The following COL21A1 variants were observed in gnomAD, a reference collection of about 807,000 sequenced individuals.
COL21A1 encodes the protein collagen alpha-1(XXI) chain.
In COL21A1, 149 loss-of-function variants were observed where a neutral mutation model predicts 137.9. The ratio of observed to expected loss-of-function variants is 1.08; its 90% confidence interval spans 0.95 to 1.24. The LOEUF (loss-of-function observed/expected upper bound fraction) is 1.24, where lower values mean the gene tolerates loss of function less well. Among genes scored for constraint, COL21A1 ranks in the 50% most tolerant of loss-of-function variants. The pLI is 0.00. For synonymous variants in COL21A1, 456 were observed against 391.5 expected, an observed-to-expected ratio of 1.16 and a Z score of -1.95; for missense variants, 1,167 against 1,158.4, an observed-to-expected ratio of 1.01 and a Z score of -0.11.
At chr6:56,340,535 C>A (rs574970939) in intron 1 of COL21A1, among the ~76,000 whole-genome samples, 15 of 152,200 alleles carry the variant, frequency 9.9e-5, no homozygotes, top group African/African-American at 3.1e-4. Flanking sequence ...AGAGGAGGAC[C>A]AGCTAGGTCT....
chr6:56,105,394 G>C (rs916487629), intron 16 of COL21A1, among the ~76,000 whole-genome samples: 1 of 152,028 alleles, frequency 6.6e-6, no homozygotes, highest in Non-Finnish European at 1.5e-5. Flanking sequence ...CTTTATTCAC[G>C]ATGTATTTTT....
At chr6:56,275,100 ACAAG>A (rs925417781) in intron 1 of COL21A1, among the ~76,000 whole-genome samples, 3 of 152,148 alleles carry the variant, frequency 2.0e-5, no homozygotes, top group Non-Finnish European at 2.9e-5. Context: ...CTGACAAAAA[ACAAG>A]CAATTAGGAA....
chr6:56,273,804 C>T (rs7757732), intron 1 of COL21A1, among the ~76,000 whole-genome samples: 60,190 of 151,974 alleles, frequency 0.4, 13,444 homozygotes, highest in African/African-American at 0.59. Flanking sequence ...AGAACTGGTA[C>T]CAATCATACT....
intron 7 of COL21A1, among the ~76,000 whole-genome samples, chr6:56,165,775 C>A (rs907957904): frequency 1.3e-5 from 2 of 152,090 alleles, no homozygotes; most frequent in Non-Finnish European, 2.9e-5. Flanking sequence ...AACATAACTA[C>A]ACACATTTTA....
intron 1 of COL21A1, among the ~76,000 whole-genome samples, chr6:56,362,223 T>C (rs1765990310): frequency 6.6e-6 from 1 of 152,160 alleles, no homozygotes; most frequent in Non-Finnish European, 1.5e-5. Context: ...ATGATCTCAT[T>C]TATTATATTT....
chr6:56,104,391 A>C (rs1048100086), intron 16 of COL21A1, among the ~76,000 whole-genome samples: 1 of 152,220 alleles, frequency 6.6e-6, no homozygotes, highest in African/African-American at 2.4e-5. Context: ...TTACCTAAGA[A>C]CACTCTCTTC....
intron 1 of COL21A1, among the ~76,000 whole-genome samples, chr6:56,222,363 T>C (rs552480484): frequency 1.5e-3 from 230 of 152,296 alleles, no homozygotes; most frequent in South Asian, 2.5e-3. Flanking sequence ...ATGTTGTCTA[T>C]GAGGATTTTT....
chr6:56,118,752 G>A (rs868185782), intron 16 of COL21A1, among the ~76,000 whole-genome samples: 9 of 151,854 alleles, frequency 5.9e-5, no homozygotes, highest in Admixed American at 2.0e-4. Context: ...GGGATTCATC[G>A]CTGGGATAAA....
intron 1 of COL21A1, among the ~76,000 whole-genome samples, chr6:56,282,827 A>G (rs1458200967): frequency 1.3e-5 from 2 of 152,232 alleles, no homozygotes; most frequent in Non-Finnish European, 2.9e-5. Flanking sequence ...TCCAGTATGT[A>G]AGATTCCCCA....
chr6:56,170,149 A>C (rs1301785441), intron 5 of COL21A1, among the ~76,000 whole-genome samples: 1 of 151,902 alleles, frequency 6.6e-6, no homozygotes, highest in Non-Finnish European at 1.5e-5. Flanking sequence ...CTCCTAAATT[A>C]AGGTAAATTT....
chr6:56,311,790 A>G (rs990621112), intron 1 of COL21A1, among the ~76,000 whole-genome samples: 2 of 152,198 alleles, frequency 1.3e-5, no homozygotes, highest in African/African-American at 2.4e-5. Flanking sequence ...TGAGGAAGGC[A>G]GATATACATG....
intron 14 of COL21A1, among the ~76,000 whole-genome samples, chr6:56,124,924 C>T (rs1229669386): frequency 6.6e-6 from 1 of 151,442 alleles, no homozygotes; most frequent in Non-Finnish European, 1.5e-5. Flanking sequence ...GGATTACAGG[C>T]ATGAGCCACC....
Position 56,325,537 on chromosome 6 carries a change from A to ATATATTATCTATAATATATATCTATAAT in COL21A1, c.-39+68433_-39+68434insATTATAGATATATATTATAGATAATATA, listed in dbSNP as rs1765023331. On this transcript the variant is annotated intron_variant, in intron 1 of 28. Coordinates refer to the COL21A1 transcript ENST00000370819. ...TATTATATATTATATATTATATATA[A>ATATATTATCTATAATATATATCTATAAT]ATATATAATACATATATAATATATA... is the stretch of plus-strand genomic sequence containing the variant. 7.7e-3 allele frequency among the ~76,000 whole-genome samples: 4 copies of ATATATTATCTATAATATATATCTATAAT among 522 alleles called. 1 individual carries two copies. Among genetic ancestry groups the ATATATTATCTATAATATATATCTATAAT allele is most frequent in the South Asian group, 0.17 (1 of 6 alleles). The allele number at this position is 522 out of a possible 152,430, so 0.3% of individuals were successfully genotyped here.
chr6:56,302,695 T>C (rs1292633644), intron 1 of COL21A1, among the ~76,000 whole-genome samples: 1 of 152,080 alleles, frequency 6.6e-6, no homozygotes, highest in Non-Finnish European at 1.5e-5. Flanking sequence ...TTCACTCTGA[T>C]GGTAGTTTCT....
chr6:56,197,075 C>A (rs12207333), intron 1 of COL21A1, among the ~76,000 whole-genome samples: 1 of 151,814 alleles, frequency 6.6e-6, no homozygotes, highest in Non-Finnish European at 1.5e-5. Context: ...GAAATAAATC[C>A]ACGCATATAT....
At chr6:56,150,706 C>G (rs987422826) in intron 10 of COL21A1, among the ~76,000 whole-genome samples, 12 of 152,136 alleles carry the variant, frequency 7.9e-5, no homozygotes, top group Non-Finnish European at 1.8e-4. Flanking sequence ...AATTTTACAG[C>G]TTAGTCTACT....
At chr6:56,101,950 T>C (rs1770499825) in intron 16 of COL21A1, among the ~76,000 whole-genome samples, 1 of 152,170 alleles carries the variant, frequency 6.6e-6, no homozygotes, top group African/African-American at 2.4e-5. Context: ...AACAAAACTT[T>C]CATTAGGAAT....
intron 1 of COL21A1, among the ~76,000 whole-genome samples, chr6:56,252,831 A>T (rs1325772654): frequency 6.6e-6 from 1 of 152,192 alleles, no homozygotes; most frequent in Non-Finnish European, 1.5e-5. Flanking sequence ...GACAAAATGA[A>T]ACAAAACAGC....
intron 1 of COL21A1, among the ~76,000 whole-genome samples, chr6:56,377,825 GAAGGA>G (rs1384932736): frequency 6.6e-6 from 1 of 152,118 alleles, no homozygotes; most frequent in African/African-American, 2.4e-5. Context: ...TCCTTCCACT[GAAGGA>G]AAGGAGAGGG....
Sources: allele counts gnomAD v4.1 joint callset (sites outside exome capture counted in the v4.1 genomes callset), GRCh38; gene constraint gnomAD v4.1.1; transcripts MANE v1.5; gene names NCBI Gene and HGNC (gene_info 2026-07-23, HGNC 2026-07-21).